ZSWIM6: variants seen among roughly 807,000 people sequenced by gnomAD.
ZSWIM6 encodes zinc finger SWIM-type containing 6, also known as zinc finger SWIM domain-containing protein 6.
In ZSWIM6, 9 loss-of-function variants were observed where a neutral mutation model predicts 113.2. The ratio of observed to expected loss-of-function variants is 0.08; its 90% CI spans 0.05 to 0.14. ZSWIM6 has a LOEUF of 0.14. Ranked by LOEUF, ZSWIM6 falls within the 10% of genes least tolerant of loss-of-function variation. ZSWIM6 has a pLI of 1.00. For missense variants in ZSWIM6, 1,162 were observed against 1,552.2 expected (o/e 0.75, Z 4.22); for synonymous variants, 611 against 606.5 (o/e 1.01, Z -0.11).
intron 1 of ZSWIM6, among the ~76,000 whole-genome samples, chr5:61,367,833 G>A (rs977506879): frequency 1.3e-5 from 2 of 152,048 alleles, no homozygotes; most frequent in African/African-American, 4.8e-5. Context: ...TTTAAAAGTT[G>A]TTTGTGGCTG....
intron 1 of ZSWIM6, among the ~76,000 whole-genome samples, chr5:61,419,739 A>G (rs1413402146): frequency 6.6e-6 from 1 of 152,208 alleles, no homozygotes; most frequent in Non-Finnish European, 1.5e-5. Context: ...CCTCTCCTGA[A>G]AGGCTTTTTT....
intron 1 of ZSWIM6, among the ~76,000 whole-genome samples, chr5:61,377,663 G>A (rs1272046941): frequency 6.6e-6 from 1 of 151,486 alleles, no homozygotes; most frequent in Non-Finnish European, 1.5e-5. Flanking sequence ...GTTGCAGTGA[G>A]CCAAGATCAC....
At position 61,530,059 on chromosome 5, in the gene ZSWIM6, C is replaced by G; in HGVS notation, c.1845C>G (p.Pro615=). Residue 615 remains proline, a synonymous_variant, in exon 8 of 14, where the codon CCC becomes CCG. Transcript: ENST00000252744. ...TTCCCTTTCCTTACACAGAGCTACC[C>G]CATAAAAACATAACCTCGATAACCA... ...EMFRTQKKEL[P]HKNITSITNL... is the part of the protein sequence containing the mutation. 6.4e-7 allele frequency: 1 copy of G among 1,550,792 alleles called. No homozygotes were observed.
intron 1 of ZSWIM6, among the ~76,000 whole-genome samples, chr5:61,401,429 C>T (rs1313389534): frequency 6.6e-6 from 1 of 152,002 alleles, no homozygotes; most frequent in Non-Finnish European, 1.5e-5. Context: ...AAGTCTTACT[C>T]CAGATATCCT....
intron 1 of ZSWIM6, among the ~76,000 whole-genome samples, chr5:61,419,918 A>G (rs1194895969): frequency 1.3e-5 from 2 of 152,246 alleles, no homozygotes; most frequent in East Asian, 3.8e-4. Flanking sequence ...AGAAATTGCA[A>G]TCAGAAGGTC....
intron 1 of ZSWIM6, among the ~76,000 whole-genome samples, chr5:61,468,313 T>C (rs1747483626): frequency 1.3e-5 from 2 of 152,362 alleles, no homozygotes; most frequent in South Asian, 4.1e-4. Flanking sequence ...TAACATTTTA[T>C]TGGGTTCTGT....
intron 2 of ZSWIM6, among the ~76,000 whole-genome samples, chr5:61,488,608 A>G (rs1205037425): frequency 6.6e-6 from 1 of 151,938 alleles, no homozygotes; most frequent in Non-Finnish European, 1.5e-5. Flanking sequence ...GTTGTTCATA[A>G]TAGGTCTCTG....
At chr5:61,402,712 C>T (rs1745962965) in intron 1 of ZSWIM6, among the ~76,000 whole-genome samples, 1 of 152,130 alleles carries the variant, frequency 6.6e-6, no homozygotes, top group Non-Finnish European at 1.5e-5. Context: ...GGTTAAGTAT[C>T]CATTTGTATC....
chr5:61,544,092 C>T lies in ZSWIM6; in HGVS notation c.3423C>T (p.Leu1141=). The change falls in exon 14 of 14, where the codon CTC becomes CTT. Residue 1141 remains leucine, a synonymous_variant. Transcript: ENST00000252744. ...TGGACAAAGCCCCCTTGAGGCAACT[C>T]TTGGATGCCACGATCGGGGCCTACA... ...MSLDKAPLRQ[L]LDATIGAYIN... is the part of the protein sequence containing the mutation. The T allele has an allele frequency of 6.4e-7, 1 of 1,551,942 alleles. No homozygotes were observed. The highest frequency in any genetic ancestry group is 8.7e-7 in the Non-Finnish European group (1 of 1,147,046).
At chr5:61,537,059 A>T (rs1749594818) in intron 10 of ZSWIM6, among the ~76,000 whole-genome samples, 1 of 152,212 alleles carries the variant, frequency 6.6e-6, no homozygotes, top group African/African-American at 2.4e-5. Context: ...CTTGTTTTAA[A>T]GGGAAGATGT....
chr5:61,533,613 G>C (rs1749500749), intron 9 of ZSWIM6, among the ~76,000 whole-genome samples: 1 of 152,102 alleles, frequency 6.6e-6, no homozygotes, highest in Non-Finnish European at 1.5e-5. Context: ...TGGTATCATA[G>C]CAAATAATTG....
chr5:61,391,554 G>A (rs554610946), intron 1 of ZSWIM6: 8 of 976,074 alleles, frequency 8.2e-6, no homozygotes, highest in South Asian at 7.7e-5. Context: ...TGTGCTCAGC[G>A]AAGACAGTAT....
chr5:61,333,126 C>A (rs533553667), intron 1 of ZSWIM6, among the ~76,000 whole-genome samples, 178 bp downstream of exon 1: 376 of 151,910 alleles, frequency 2.5e-3, no homozygotes, highest in Non-Finnish European at 3.8e-3. Context: ...CCCTCCCTTC[C>A]CTGCCCCCCG....
chr5:61,383,455 A>G (rs1276545564), intron 1 of ZSWIM6, among the ~76,000 whole-genome samples: 3 of 152,204 alleles, frequency 2.0e-5, no homozygotes, highest in Non-Finnish European at 4.4e-5. Context: ...TTTTGAGTGA[A>G]TGAAGACCAG....
At chr5:61,495,372 CTG>C (rs1431249415) in intron 4 of ZSWIM6, among the ~76,000 whole-genome samples, 3 of 152,136 alleles carry the variant, frequency 2.0e-5, no homozygotes, top group Admixed American at 6.5e-5. Flanking sequence ...CAACATGACA[CTG>C]TGTAATCTAG....
intron 1 of ZSWIM6, among the ~76,000 whole-genome samples, chr5:61,462,701 A>G (rs749227046): frequency 5.3e-5 from 8 of 152,220 alleles, no homozygotes; most frequent in East Asian, 1.9e-4. Context: ...TTCTATTACA[A>G]TAATGATGAT....
intron 1 of ZSWIM6, among the ~76,000 whole-genome samples, chr5:61,399,943 C>CT (rs1745910886): frequency 6.6e-6 from 1 of 152,102 alleles, no homozygotes; most frequent in Admixed American, 6.5e-5. Flanking sequence ...TTTAGTTTTC[C>CT]TACCTGTACA....
At chr5:61,423,157 A>G (rs904014319) in intron 1 of ZSWIM6, among the ~76,000 whole-genome samples, 8 of 152,300 alleles carry the variant, frequency 5.3e-5, no homozygotes, top group South Asian at 2.1e-4. Context: ...CTGTAATCCC[A>G]GCACTTTGGG....
chr5:61,497,041 G>T (rs550753335), intron 4 of ZSWIM6, among the ~76,000 whole-genome samples: 1 of 150,182 alleles, frequency 6.7e-6, no homozygotes, highest in African/African-American at 2.5e-5. Flanking sequence ...TTAAATCTCA[G>T]ATGCTTAACT....
Sources: allele counts gnomAD v4.1 joint callset (sites outside exome capture counted in the v4.1 genomes callset), GRCh38; gene constraint gnomAD v4.1.1; transcripts MANE v1.5; gene names NCBI Gene and HGNC (gene_info 2026-07-23, HGNC 2026-07-21).